Variants in TTC6 observed in about 807,000 individuals in gnomAD.
TTC6 encodes the protein tetratricopeptide repeat domain 6.
Under a neutral mutation model 210.4 loss-of-function variants are expected in TTC6, and 172 were observed. The ratio of observed to expected loss-of-function variants is 0.82; its 90% CI spans 0.72 to 0.93. The LOEUF is 0.93. Ranked by LOEUF, TTC6 falls within the 40% of genes least tolerant of loss-of-function variation. The pLI is 0.00. For synonymous variants in TTC6, 804 were observed against 819.6 expected, an observed-to-expected ratio of 0.98 and a Z score of 0.32; for missense variants, 2,414 against 2,318.1, an observed-to-expected ratio of 1.04 and a Z score of -0.85.
chr14:37,678,022 T>C (rs942166448), intron 1 of TTC6, among the ~76,000 whole-genome samples: 2 of 152,176 alleles, frequency 1.3e-5, no homozygotes, highest in Non-Finnish European at 2.9e-5. Flanking sequence ...TGTATGATTT[T>C]CTTCCTGGTT....
rs57761558 is a variant in TTC6 at position 37,630,194 on chromosome 14, C to T, written c.939+7191C>T. On this transcript the variant is annotated intron_variant, in intron 1 of 30. Transcript: ENST00000553443. ...GTTAGGGTATAGATTTTAGATCTTT[C>T]CTGCTTTCTCCTGTGGACATTTAGT... is the stretch of plus-strand genomic sequence containing the variant. Among the ~76,000 whole-genome samples, 740 of 152,188 alleles carry T rather than the reference C, an allele frequency of 4.9e-3. 11 individuals are homozygous for T. Among genetic ancestry groups the T allele is most frequent in the African/African-American group, 0.016 (678 of 41,492 alleles).
intron 14 of TTC6, among the ~76,000 whole-genome samples, chr14:37,769,047 C>G (rs2096008976): frequency 6.6e-6 from 1 of 152,064 alleles, no homozygotes; most frequent in Non-Finnish European, 1.5e-5. Context: ...TTTTCTGCAT[C>G]TATTGAGATA....
chr14:37,628,929 T>G (rs180985524), intron 1 of TTC6, among the ~76,000 whole-genome samples: 3 of 152,302 alleles, frequency 2.0e-5, no homozygotes, highest in Admixed American at 2.0e-4. Flanking sequence ...ATGTGTGGTG[T>G]TATTTCTGAG....
intron 7 of TTC6, among the ~76,000 whole-genome samples, chr14:37,733,763 A>G (rs933684436): frequency 7.2e-5 from 11 of 152,010 alleles, no homozygotes; most frequent in Non-Finnish European, 1.3e-4. Context: ...GCTATGGAAA[A>G]TTTTTAGTAA....
intron 1 of TTC6, among the ~76,000 whole-genome samples, chr14:37,636,066 C>G (rs1418212287): frequency 6.6e-6 from 1 of 150,550 alleles, no homozygotes; most frequent in Non-Finnish European, 1.5e-5. Context: ...ATCAACACAC[C>G]AGGAAGACAA....
chr14:37,762,883 T>C (rs2095988599), intron 14 of TTC6, among the ~76,000 whole-genome samples: 1 of 72,856 alleles, frequency 1.4e-5, no homozygotes, highest in Non-Finnish European at 3.0e-5. Flanking sequence ...TTTTCTTTTC[T>C]TTTTTTTTTT....
chr14:37,688,650 A>T (rs2095798192), intron 3 of TTC6, among the ~76,000 whole-genome samples: 1 of 152,154 alleles, frequency 6.6e-6, no homozygotes, highest in Non-Finnish European at 1.5e-5. Flanking sequence ...TAAAGAAGAG[A>T]ACAAGAGTTT....
intron 14 of TTC6, among the ~76,000 whole-genome samples, chr14:37,755,490 T>C (rs1184103859): frequency 6.6e-6 from 1 of 152,224 alleles, no homozygotes; most frequent in Non-Finnish European, 1.5e-5. Context: ...TAAGTTTTCT[T>C]CTAGGGTTTT....
intron 14 of TTC6, among the ~76,000 whole-genome samples, chr14:37,755,061 C>T (rs1214482010): frequency 6.6e-6 from 1 of 152,196 alleles, no homozygotes; most frequent in Non-Finnish European, 1.5e-5. Flanking sequence ...ACACCCTTTC[C>T]AGCATCTGTT....
At chr14:37,630,035 G>T (rs61987999) in intron 1 of TTC6, among the ~76,000 whole-genome samples, 29,435 of 152,064 alleles carry the variant, frequency 0.19, 3,233 homozygotes, top group South Asian at 0.26. Flanking sequence ...CTAGTTCCTG[G>T]ATTCATTGAT....
At chr14:37,840,707 A>T (rs1010642868) in intron 29 of TTC6, among the ~76,000 whole-genome samples, 2 of 152,192 alleles carry the variant, frequency 1.3e-5, no homozygotes, top group Admixed American at 1.3e-4. Flanking sequence ...CAAATCAATA[A>T]ACGTAATCCA....
At chr14:37,715,902 G>C (rs1306692049) in intron 6 of TTC6, among the ~76,000 whole-genome samples, 1 of 152,092 alleles carries the variant, frequency 6.6e-6, no homozygotes, top group African/African-American at 2.4e-5. Flanking sequence ...TATGTAGAAG[G>C]AACAAAGCAC....
intron 14 of TTC6, among the ~76,000 whole-genome samples, chr14:37,769,286 G>A (rs1387810171): frequency 6.6e-6 from 1 of 151,562 alleles, no homozygotes; most frequent in African/African-American, 2.4e-5. Flanking sequence ...GTCTCTGCCC[G>A]GCTTTGGTAT....
intron 13 of TTC6, among the ~76,000 whole-genome samples, chr14:37,751,479 G>A (rs925545684): frequency 6.6e-6 from 1 of 152,064 alleles, no homozygotes; most frequent in African/African-American, 2.4e-5. Flanking sequence ...CATGTAGGGG[G>A]CCCAGCTTTT....
At chr14:37,816,268 T>C (rs2139456560) in intron 25 of TTC6, among the ~76,000 whole-genome samples, 1 of 152,296 alleles carries the variant, frequency 6.6e-6, no homozygotes, top group African/African-American at 2.4e-5. Context: ...TTAACCTTAA[T>C]ACTCCCTCTT....
In TTC6 at chr14:37,796,290, C is replaced by T. The variant is rs368576718; in HGVS notation, c.3792-4C>T. 33 of 1,221,752 alleles carry T rather than the reference C, an allele frequency of 2.7e-5. No individual in the cohort carries two copies. The African/African-American group carries it at 5.0e-4, about 19-fold the overall frequency. The allele number at this position is 1,221,752 out of a possible 1,614,324, so 75.7% of individuals were successfully genotyped here. On this transcript the variant is annotated splice_region_variant and splice_polypyrimidine_tract_variant and intron_variant, in intron 18 of 30. Coordinates refer to ENST00000553443, the Ensembl canonical transcript of TTC6. Reference sequence around the variant, plus strand: ...TTAGAATCAAAATCGATTATTTCTTCCAGAGGACAATATCTTCTTATGATG... The same window carrying T: ...TTAGAATCAAAATCGATTATTTCTTTCAGAGGACAATATCTTCTTATGATG...
At chr14:37,842,282 A>G (rs775258496) in exon 31 of TTC6, 1 of 1,601,524 alleles carries the variant, frequency 6.2e-7, no homozygotes, top group South Asian at 1.1e-5. Context: ...ACTATGCCTC[A>G]GTTATATGAT....
rs1010108575 is a variant in TTC6, at chr14:37,826,140, C to T, written c.4975-55C>T. On this transcript the variant is annotated intron_variant, in intron 27 of 30. Transcript: ENST00000553443. ...TATTTGATGGAGTCAGAATCATAAA[C>T]GTTTGTCATGTTATGGAGTATTTCC... 14 of 1,503,614 alleles carry T rather than the reference C, an allele frequency of 9.3e-6. No individual in the cohort carries two copies. In the East Asian group the frequency reaches 1.1e-4, roughly 12 times the overall value. 93.1% of individuals were successfully genotyped at this position (1,503,614 alleles called of 1,614,324 possible). A position where few individuals can be genotyped will look rare whatever the true frequency, so the allele number is the denominator to read the frequency against.
At chr14:37,707,682 C>T (rs1354482518) in intron 5 of TTC6, among the ~76,000 whole-genome samples, 1 of 151,998 alleles carries the variant, frequency 6.6e-6, no homozygotes, top group African/African-American at 2.4e-5. Context: ...AAAGGATGTT[C>T]TTCCTGTCAC....
Sources: gnomAD v4.1 joint callset for allele counts (sites outside exome capture counted in the v4.1 genomes callset) on GRCh38, gnomAD v4.1.1 for gene constraint, MANE v1.5 for transcripts, NCBI Gene and HGNC (gene_info 2026-07-23, HGNC 2026-07-21) for gene names.